The following PES1 variants were observed in gnomAD, a reference collection of about 807,000 sequenced individuals.
PES1 encodes pescadillo ribosomal biogenesis factor 1.
In PES1, 31 loss-of-function variants were observed where a neutral mutation model predicts 77.1. The ratio of observed to expected loss-of-function variants is 0.40; its 90% CI spans 0.30 to 0.54. The LOEUF (loss-of-function observed/expected upper bound fraction) is 0.54. Among genes scored for constraint, PES1 ranks in the 20% least tolerant of loss-of-function variants. The pLI is 0.45. For synonymous variants in PES1, 282 were observed against 303.0 expected, an observed-to-expected ratio of 0.93 and a Z score of 0.72; for missense variants, 658 against 771.7, an observed-to-expected ratio of 0.85 and a Z score of 1.75.
upstream of PES1, among the ~76,000 whole-genome samples, chr22:30,595,538 C>CAAAAAAA (rs377364940): frequency 1.2e-5 from 1 of 80,702 alleles, no homozygotes; most frequent in Non-Finnish European, 2.4e-5. Flanking sequence ...GACAGTGTCT[C>CAAAAAAA]AAAAAAAAAA....
intron 2 of PES1, among the ~76,000 whole-genome samples, chr22:30,601,034 G>C (rs995435694): frequency 6.6e-6 from 1 of 152,208 alleles, no homozygotes; most frequent in Admixed American, 6.5e-5. Flanking sequence ...TTACATGACA[G>C]CTCAGTACTC....
chr22:30,587,960 T>A (rs1335943185), intron 3 of PES1, 61 bp downstream of exon 3: 3 of 1,549,740 alleles, frequency 1.9e-6, no homozygotes, highest in African/African-American at 2.7e-5. Context: ...AAGGTCACAG[T>A]TAGTTAGTGG....
At chr22:30,582,646 G>T (rs2087004617) in intron 6 of PES1, among the ~76,000 whole-genome samples, 1 of 152,172 alleles carries the variant, frequency 6.6e-6, no homozygotes, top group African/African-American at 2.4e-5. Flanking sequence ...TGATCACCAT[G>T]GGTGCCGGGT....
chr22:30,596,516 T>A (rs1332033646), upstream of PES1, among the ~76,000 whole-genome samples: 1 of 151,924 alleles, frequency 6.6e-6, no homozygotes, highest in African/African-American at 2.4e-5. Context: ...AAAAAAAGAT[T>A]TTAAAAATCA....
intron 11 of PES1, 52 bp downstream of exon 11, chr22:30,580,001 G>A (rs1602005993): frequency 2.5e-6 from 4 of 1,611,950 alleles, no homozygotes; most frequent in East Asian, 2.2e-5. Flanking sequence ...GCATCGCAGG[G>A]CCTTTGAGAC....
At chr22:30,577,618 C>T (rs2086921123) in intron 14 of PES1, among the ~76,000 whole-genome samples, 1 of 152,144 alleles carries the variant, frequency 6.6e-6, no homozygotes, top group Non-Finnish European at 1.5e-5. Flanking sequence ...TCCGGAGTAG[C>T]TGGGATTGAC....
chr22:30,582,171 C>G (rs1427210489), intron 6 of PES1, among the ~76,000 whole-genome samples: 6 of 152,234 alleles, frequency 3.9e-5, no homozygotes, highest in Non-Finnish European at 7.3e-5. Flanking sequence ...CTGGCAAAAC[C>G]TTGGCTGACT....
chr22:30,596,982 C>T (rs377441844), intron 2 of PES1, among the ~76,000 whole-genome samples: 12 of 152,320 alleles, frequency 7.9e-5, no homozygotes, highest in African/African-American at 2.6e-4. Flanking sequence ...CCGCTGGCCA[C>T]GGGCAGTGAG....
chr22:30,602,844 C>T (rs960646376), intron 2 of PES1, among the ~76,000 whole-genome samples: 3 of 152,154 alleles, frequency 2.0e-5, no homozygotes, highest in African/African-American at 7.2e-5. Context: ...TGTTCCTGCA[C>T]CATTTGATGA....
chr22:30,582,219 G>A (rs1198371546), intron 6 of PES1, among the ~76,000 whole-genome samples: 1 of 152,232 alleles, frequency 6.6e-6, no homozygotes, highest in Non-Finnish European at 1.5e-5. Context: ...CGGGGGCGGG[G>A]GAAGCATGGG....
chr22:30,587,137 G>C (rs1483942331), intron 4 of PES1, 149 bp downstream of exon 4: 3 of 634,472 alleles, frequency 4.7e-6, no homozygotes, highest in Admixed American at 2.9e-5. Context: ...ATAGTAATTT[G>C]CTAGCTTGGT....
At chr22:30,598,840 A>G (rs996925779) in intron 2 of PES1, among the ~76,000 whole-genome samples, 2 of 149,964 alleles carry the variant, frequency 1.3e-5, no homozygotes, top group Non-Finnish European at 3.0e-5. Context: ...CTCGTAAATT[A>G]AGAAAGCCCA....
chr22:30,578,764 A>G, intron 14 of PES1, 73 bp downstream of exon 14: 2 of 1,517,948 alleles, frequency 1.3e-6, no homozygotes, highest in Non-Finnish European at 1.8e-6. Flanking sequence ...GAGGGCCCCA[A>G]GCCACATAAG....
chr22:30,580,872 T>A, intron 9 of PES1, 140 bp downstream of exon 9: 1 of 1,178,106 alleles, frequency 8.5e-7, no homozygotes, highest in South Asian at 1.4e-5. Flanking sequence ...TAAACTCTGA[T>A]GACAATTCAG....
chr22:30,589,878 T>C (rs1325502978), intron 1 of PES1, among the ~76,000 whole-genome samples: 3 of 152,186 alleles, frequency 2.0e-5, no homozygotes, highest in Non-Finnish European at 2.9e-5. Context: ...TTCTTCCCTA[T>C]GCCCCATAAA....
chr22:30,577,720 T>C (rs2086923741), intron 14 of PES1, among the ~76,000 whole-genome samples: 1 of 152,068 alleles, frequency 6.6e-6, no homozygotes, highest in Admixed American at 6.6e-5. Context: ...GGTCTTGAAC[T>C]CCTAGCCTCA....
chr22:30,580,942 G>A (rs1279080828), intron 9 of PES1, 70 bp downstream of exon 9: 50 of 1,357,346 alleles, frequency 3.7e-5, no homozygotes, highest in Non-Finnish European at 5.0e-5. Flanking sequence ...GGATGCAAAT[G>A]TCCCTAAGCT....
chr22:30,606,798 A>C (rs1197223490), intron 1 of PES1: 26 of 985,512 alleles, frequency 2.6e-5, no homozygotes, highest in Non-Finnish European at 3.1e-5. Context: ...GACTCCAGCA[A>C]TGCTGCTCAC....
chr22:30,606,059 C>T (rs2087435060), intron 1 of PES1, among the ~76,000 whole-genome samples: 1 of 152,174 alleles, frequency 6.6e-6, no homozygotes. Context: ...GCCAAAGTCA[C>T]ACAGCCACCA....
Sources: allele counts gnomAD v4.1 joint callset (sites outside exome capture counted in the v4.1 genomes callset), GRCh38; gene constraint gnomAD v4.1.1; transcripts MANE v1.5; gene names NCBI Gene and HGNC (gene_info 2026-07-23, HGNC 2026-07-21).